PCDHA4: variants seen among roughly 807,000 people sequenced by gnomAD.
PCDHA4 encodes the protein protocadherin alpha-4.
In PCDHA4, 49 loss-of-function variants were observed where a neutral mutation model predicts 61.4. That is an observed-to-expected ratio of 0.80 (90% CI 0.63 to 1.01). The LOEUF is 1.01. Among genes scored for constraint, PCDHA4 ranks in the 50% least tolerant of loss-of-function variants. PCDHA4 has a pLI of 0.00. For missense variants in PCDHA4, 1,254 were observed against 1,235.8 expected (o/e 1.01, Z -0.22); for synonymous variants, 590 against 550.3 (o/e 1.07, Z -1.01).
Position 140,836,337 on chromosome 5 carries a change from A to G in PCDHA4, c.2385+26765A>G, listed in dbSNP as rs143048298. On this transcript the variant is annotated intron_variant, in intron 1 of 3. Transcript: ENST00000530339. ...GCGCCACCGCCTTCTGGTGCTTGTG[A>G]AGGACCACGGGGAGCCCTCGCTGAC... 1,176 of 1,613,648 alleles carry G rather than the reference A, an allele frequency of 7.3e-4. 14 individuals carry two copies. Among genetic ancestry groups the G allele is most frequent in the Non-Finnish European group, 9.2e-4 (1,082 of 1,179,806 alleles).
intron 1 of PCDHA4, chr5:140,857,941 T>C (rs1294613928): frequency 6.3e-7 from 1 of 1,597,330 alleles, no homozygotes; most frequent in Non-Finnish European, 8.6e-7. Flanking sequence ...GCGAGATCAG[T>C]ACGACGCGCG....
intron 1 of PCDHA4, chr5:140,835,504 T>C: frequency 1.2e-6 from 2 of 1,613,936 alleles, no homozygotes; most frequent in Non-Finnish European, 1.7e-6. Flanking sequence ...TTGATTAGCG[T>C]GTTTGACCGA....
At chr5:140,967,233 A>G in intron 1 of PCDHA4, 1 of 1,613,728 alleles carries the variant, frequency 6.2e-7, no homozygotes, top group South Asian at 1.1e-5. Context: ...TACCAGCTTC[A>G]GGTAAGCGAA....
chr5:140,934,305 A>T, intron 1 of PCDHA4, among the ~76,000 whole-genome samples: 1 of 152,150 alleles, frequency 6.6e-6, no homozygotes, highest in African/African-American at 2.4e-5. Flanking sequence ...TATTTTTCTT[A>T]CTGCAAATGT....
In PCDHA4 at chr5:141,011,003, C is replaced by T. The variant is rs748731648; in HGVS notation, c.*1066C>T. ...ATTGCCTGAAACATCTGTATTATAT[C>T]GGCCACCTGCCAATCACAGCTTTAC... On this transcript the variant is annotated 3_prime_UTR_variant, in exon 4 of 4. Coordinates refer to ENST00000530339, the MANE Select transcript of PCDHA4 (RefSeq NM_018907.4). 1 of 153,706 alleles carries T rather than the reference C, an allele frequency of 6.5e-6. No individual in the cohort carries two copies. The highest frequency in any genetic ancestry group is 2.1e-4 in the South Asian group (1 of 4,816). 9.5% of individuals were successfully genotyped at this position (153,706 alleles called of 1,614,324 possible).
chr5:140,994,229 A>G (rs1488908759), intron 3 of PCDHA4, among the ~76,000 whole-genome samples: 3 of 152,188 alleles, frequency 2.0e-5, no homozygotes, highest in African/African-American at 7.2e-5. Flanking sequence ...TGTCTATGTT[A>G]TAATCAATTC....
intron 1 of PCDHA4, among the ~76,000 whole-genome samples, chr5:140,942,908 G>A (rs187574457): frequency 2.6e-5 from 4 of 151,726 alleles, no homozygotes; most frequent in African/African-American, 9.7e-5. Flanking sequence ...AAGAATAAGC[G>A]TGAAGAAAAA....
chr5:140,948,637 T>C (rs2094284946), intron 1 of PCDHA4, among the ~76,000 whole-genome samples: 1 of 151,712 alleles, frequency 6.6e-6, no homozygotes, highest in Non-Finnish European at 1.5e-5. Context: ...TATTCTCTCA[T>C]CTTTTAACGT....
At chr5:140,847,826 A>C (rs914616937) in intron 1 of PCDHA4, 1 of 149,784 alleles carries the variant, frequency 6.7e-6, no homozygotes, top group Non-Finnish European at 1.5e-5. Context: ...TACTCAAGAA[A>C]ACTACCTCAG....
intron 1 of PCDHA4, chr5:140,828,162 G>A (rs1769562781): frequency 2.5e-6 from 4 of 1,614,172 alleles, no homozygotes; most frequent in Non-Finnish European, 3.4e-6. Context: ...CTCGCAGCCT[G>A]GAAGGTGGGG....
chr5:140,877,335 G>T, intron 1 of PCDHA4: 2 of 1,613,978 alleles, frequency 1.2e-6, no homozygotes, highest in Non-Finnish European at 1.7e-6. Context: ...CGCACATCCC[G>T]TTCCACGTGG....
At chr5:140,882,096 T>A in intron 1 of PCDHA4, 1 of 1,224,746 alleles carries the variant, frequency 8.2e-7, no homozygotes, top group Non-Finnish European at 1.1e-6. Flanking sequence ...ACTGAGAACG[T>A]TTCCGCGAAG....
chr5:140,871,132 G>A, intron 1 of PCDHA4: 1 of 1,613,372 alleles, frequency 6.2e-7, no homozygotes, highest in South Asian at 1.1e-5. Flanking sequence ...GGCGCCAAAG[G>A]CCTCTTCCCG....
At chr5:140,836,123 T>A (rs1214014408) in intron 1 of PCDHA4, 36 of 1,613,538 alleles carry the variant, frequency 2.2e-5, no homozygotes, top group Non-Finnish European at 3.0e-5. Context: ...TGAGAGAGCT[T>A]GTGCCGCGGT....
intron 1 of PCDHA4, chr5:140,868,220 A>C (rs1360862031): frequency 6.6e-6 from 1 of 152,156 alleles, no homozygotes; most frequent in Admixed American, 6.5e-5. Context: ...TATATGTCAA[A>C]TAAAAACTCA....
At chr5:140,823,513 G>C in intron 1 of PCDHA4, 2 of 1,613,474 alleles carry the variant, frequency 1.2e-6, no homozygotes, top group Non-Finnish European at 1.7e-6. Flanking sequence ...GAGCGAGCTG[G>C]TGCCGAGGTC....
chr5:140,818,188 T>C (rs1766299764), intron 1 of PCDHA4, among the ~76,000 whole-genome samples: 1 of 152,248 alleles, frequency 6.6e-6, no homozygotes, highest in Non-Finnish European at 1.5e-5. Context: ...CTTCTGTGAC[T>C]ATAAGTACAT....
chr5:140,967,684 G>A (rs1404001288), intron 1 of PCDHA4: 2 of 1,614,074 alleles, frequency 1.2e-6, no homozygotes, highest in Non-Finnish European at 8.5e-7. Context: ...GGGAGAGGCA[G>A]CTCTTCAGCA....
At position 140,884,402 on chromosome 5, in the gene PCDHA4, G is replaced by T. The variant is rs782512270; in HGVS notation, c.2385+74830G>T. 2.6e-5 allele frequency: 42 copies of T among 1,613,886 alleles called. 1 individual carries two copies. The Middle Eastern group carries it at 1.3e-3, about 51-fold the overall frequency. The stretch of plus-strand genomic sequence containing the variant: ...CATCTGCGCGGTGTCCAGCCTGTTG[G>T]TGCTCACGTTGCTGCTGTATACTGC... On this transcript the variant is annotated intron_variant, in intron 1 of 3. Coordinates refer to ENST00000530339, the MANE Select transcript of PCDHA4 (RefSeq NM_018907.4).
Sources: gnomAD v4.1 joint callset for allele counts (sites outside exome capture counted in the v4.1 genomes callset) on GRCh38, gnomAD v4.1.1 for gene constraint, MANE v1.5 for transcripts, NCBI Gene and HGNC (gene_info 2026-07-23, HGNC 2026-07-21) for gene names.